Variants in TRABD2A observed in about 807,000 individuals in gnomAD.
TRABD2A encodes metalloprotease TIKI1.
In TRABD2A, 43 loss-of-function variants were observed where a neutral mutation model predicts 45.6. The ratio of observed to expected loss-of-function variants is 0.94; its 90% CI spans 0.74 to 1.22. The LOEUF (loss-of-function observed/expected upper bound fraction) is 1.22, where lower values mean the gene tolerates loss of function less well. TRABD2A is among the 50% of genes most tolerant of loss of function. The pLI is 0.00. For missense variants in TRABD2A, 642 were observed against 652.4 expected (o/e 0.98, Z 0.17); for synonymous variants, 269 against 265.0 (o/e 1.02, Z -0.15).
intron 4 of TRABD2A, among the ~76,000 whole-genome samples, chr2:84,838,477 C>G (rs1681592219): frequency 6.6e-6 from 1 of 152,154 alleles, no homozygotes; most frequent in African/African-American, 2.4e-5. Flanking sequence ...TGCTTCTCTC[C>G]AACCCCCTAT....
intron 2 of TRABD2A, among the ~76,000 whole-genome samples, chr2:84,867,575 A>G (rs973675417): frequency 2.0e-5 from 3 of 152,228 alleles, no homozygotes; most frequent in Non-Finnish European, 4.4e-5. Flanking sequence ...AAAAGCCAAA[A>G]TTGACAAATG....
rs2105374555 is a variant in TRABD2A, at chr2:84,832,096, G to A, written c.1041C>T (p.Gly347=). The change falls in exon 5 of 7, where the codon GGC becomes GGT. Residue 347 remains glycine (G), a synonymous_variant. Coordinates refer to ENST00000409520, the MANE Select transcript of TRABD2A (RefSeq NM_001277053.2). Reference sequence around the variant, plus strand: ...CAGCAGGGGCGTGTTCTACCTCATAGCCTTCACGCCGCAAAACATCCAGCA... The same window carrying A: ...CAGCAGGGGCGTGTTCTACCTCATAACCTTCACGCCGCAAAACATCCAGCA... ...NTVLDVLRRE[G]YEVEHAPAGR... is the part of the protein sequence containing the mutation. 1 of 1,613,978 alleles carries A rather than the reference G, an allele frequency of 6.2e-7. No homozygotes were observed.
Position 84,870,590 on chromosome 2 carries a change from A to C in TRABD2A, c.304T>G (p.Cys102Gly). 6.2e-7 allele frequency: 1 copy of C among 1,613,702 alleles called. No individual in the cohort carries two copies. Among genetic ancestry groups the C allele is most frequent in the Non-Finnish European group, 8.5e-7 (1 of 1,179,762 alleles). ...TTCTCGCCCTGTGGCAGCATCTGAC[A>C]GCTGGTGAGAGCTGAGATGGTATAG... ...DPYTISALTS[C>G]QMLPQGENLQ... The change falls in exon 2 of 7, where the codon TGT (cysteine) becomes GGT (glycine). Residue 102 changes from cysteine to glycine, a missense_variant. Cys to Gly is a radical substitution (Grantham distance 159, BLOSUM62 -3). Transcript: ENST00000409520.
chr2:84,856,691 C>T (rs1483778315), intron 2 of TRABD2A, among the ~76,000 whole-genome samples: 3 of 152,244 alleles, frequency 2.0e-5, no homozygotes, highest in Admixed American at 6.5e-5. Flanking sequence ...CTTTTCTTCC[C>T]GCTGCCTCCT....
At position 84,840,352 on chromosome 2, in the gene TRABD2A, G is replaced by A. The variant is rs536382388; in HGVS notation, c.817-1029C>T. Reference sequence around the variant, plus strand: ...CCCAAAATCTCTTCTCTTCAGCAGAGCCCCCCTCTCTACCAGCCTCTCTAC... The same window carrying A: ...CCCAAAATCTCTTCTCTTCAGCAGAACCCCCCTCTCTACCAGCCTCTCTAC... On this transcript the variant is annotated intron_variant, in intron 3 of 6. Coordinates refer to ENST00000409520, the MANE Select transcript of TRABD2A (RefSeq NM_001277053.2). Among the ~76,000 whole-genome samples the A allele has an allele frequency of 2.0e-5, 3 of 152,034 alleles. No individual in the cohort carries two copies. In the East Asian group the frequency reaches 5.8e-4, roughly 29 times the overall value.
chr2:84,854,911 C>G (rs1682224104), intron 2 of TRABD2A, among the ~76,000 whole-genome samples: 1 of 152,134 alleles, frequency 6.6e-6, no homozygotes, highest in African/African-American at 2.4e-5. Context: ...GATTACAGAC[C>G]TTTCTCTCCT....
intron 5 of TRABD2A, 136 bp downstream of exon 5, chr2:84,831,919 A>G (rs1247908907): frequency 3.6e-6 from 3 of 827,212 alleles, no homozygotes; most frequent in Non-Finnish European, 4.0e-6. Flanking sequence ...CCAAATGTCC[A>G]TGTAAGGTCA....
chr2:84,874,328 C>T (rs1682958737), intron 1 of TRABD2A, among the ~76,000 whole-genome samples: 1 of 152,224 alleles, frequency 6.6e-6, no homozygotes, highest in Non-Finnish European at 1.5e-5. Flanking sequence ...CCGATGCTAA[C>T]AGCAGCTGTT....
chr2:84,857,409 A>T (rs1438527391), intron 2 of TRABD2A, among the ~76,000 whole-genome samples: 2 of 152,188 alleles, frequency 1.3e-5, no homozygotes, highest in Non-Finnish European at 2.9e-5. Flanking sequence ...TATGTCAACA[A>T]ACTATGAAGA....
chr2:84,841,041 T>C (rs1182680573), intron 3 of TRABD2A, among the ~76,000 whole-genome samples: 1 of 152,156 alleles, frequency 6.6e-6, no homozygotes, highest in African/African-American at 2.4e-5. Context: ...CCACACCCAC[T>C]AGCTCCTGTC....
At position 84,870,762 on chromosome 2, in the gene TRABD2A, C is replaced by T. The variant is rs761292817; in HGVS notation, c.132G>A (p.Leu44=). Residue 44 remains leucine, a synonymous_variant, in exon 2 of 7, where the codon TTG becomes TTA. Coordinates refer to ENST00000409520, the MANE Select transcript of TRABD2A (RefSeq NM_001277053.2). ...ATGGTGGGTCTCGCTTAATGGTCCA[C>T]AAGAAGGAATTCAGCTCGCTTTGCT... ...KPQQSELNSF[L]WTIKRDPPSY... The T allele has an allele frequency of 2.5e-6, 4 of 1,590,112 alleles. No individual in the cohort carries two copies. The highest frequency in any genetic ancestry group is 3.4e-6 in the Non-Finnish European group (4 of 1,167,900).
rs773927512 is a variant in TRABD2A at position 84,863,239 on chromosome 2, C to CTTTTTTTTTTTTTTTTTTTTTTT, written c.669+6963_669+6985dup. On this transcript the variant is annotated intron_variant, in intron 2 of 6. Transcript: ENST00000409520. ...CCAAAAGGTTAGACTTCATGTGAAT[C>CTTTTTTTTTTTTTTTTTTTTTTT]TTTTTTTTTTTTTTTTTTTTTTTGA... Among the ~76,000 whole-genome samples, 43 of 98,132 alleles carry CTTTTTTTTTTTTTTTTTTTTTTT rather than the reference C, an allele frequency of 4.4e-4. 6 individuals carry two copies. The highest frequency in any genetic ancestry group is 7.1e-4 in the Admixed American group (6 of 8,418). 64.4% of individuals were successfully genotyped at this position (98,132 alleles called of 152,430 possible).
chr2:84,838,810 C>T (rs1243158761), intron 4 of TRABD2A, among the ~76,000 whole-genome samples: 1 of 152,194 alleles, frequency 6.6e-6, no homozygotes, highest in African/African-American at 2.4e-5. Flanking sequence ...TAAAGACAAA[C>T]ATATTTGTAG....
At position 84,832,058 on chromosome 2, in the gene TRABD2A, T is replaced by C; in HGVS notation, c.1079A>G (p.His360Arg). The change falls in exon 5 of 7, where the codon CAC becomes CGC. Residue 360 changes from histidine to arginine, a missense_variant. Transcript: ENST00000409520. ...GATAGAAGCACAGGACGGTTACTTG[T>C]GGATGGGTCGTCCAGCAGGGGCGTG... is the stretch of plus-strand genomic sequence containing the variant. ...VEHAPAGRPI[H>R]KGKSKKTSTR... 6.2e-7 allele frequency: 1 copy of C among 1,613,974 alleles called. No individual in the cohort carries two copies. The highest frequency in any genetic ancestry group is 8.5e-7 in the Non-Finnish European group (1 of 1,179,862).
chr2:84,841,003 G>C (rs1681691599), intron 3 of TRABD2A, among the ~76,000 whole-genome samples: 1 of 152,156 alleles, frequency 6.6e-6, no homozygotes, highest in African/African-American at 2.4e-5. Flanking sequence ...TGGGTCCCCA[G>C]ATTTAACATA....
At chr2:84,865,177 T>C (rs114297920) in intron 2 of TRABD2A, among the ~76,000 whole-genome samples, 3,913 of 152,176 alleles carry the variant, frequency 0.026, 82 homozygotes, top group South Asian at 0.057. Flanking sequence ...TCATACAATC[T>C]GGAAGTATGT....
At chr2:84,823,852 C>T in intron 6 of TRABD2A, 101 bp downstream of exon 6, 1 of 1,491,426 alleles carries the variant, frequency 6.7e-7, no homozygotes, top group Non-Finnish European at 9.0e-7. Flanking sequence ...AAAGGTTGCT[C>T]CATGAGGGGG....
chr2:84,846,107 A>G (rs1057369726), intron 2 of TRABD2A, among the ~76,000 whole-genome samples: 1 of 152,118 alleles, frequency 6.6e-6, no homozygotes, highest in Non-Finnish European at 1.5e-5. Context: ...GAGGGGAGGG[A>G]GGTCACCTTG....
chr2:84,878,558 T>C (rs1683106095), intron 1 of TRABD2A, among the ~76,000 whole-genome samples: 2 of 147,858 alleles, frequency 1.4e-5, no homozygotes, highest in African/African-American at 5.0e-5. Flanking sequence ...CAGGCAGGAA[T>C]AGGAAAGAAC....
Sources: gnomAD v4.1 joint callset for allele counts (sites outside exome capture counted in the v4.1 genomes callset) on GRCh38, gnomAD v4.1.1 for gene constraint, MANE v1.5 for transcripts, NCBI Gene and HGNC (gene_info 2026-07-23, HGNC 2026-07-21) for gene names.